PTPRM: variants seen among roughly 807,000 people sequenced by gnomAD.
PTPRM encodes protein tyrosine phosphatase receptor type M.
In PTPRM, 47 loss-of-function variants were observed where a neutral mutation model predicts 186.7. That is an observed-to-expected ratio of 0.25 (90% CI 0.20 to 0.32). The LOEUF (loss-of-function observed/expected upper bound fraction) is 0.32. Among genes scored for constraint, PTPRM ranks in the 10% least tolerant of loss-of-function variants. PTPRM has a pLI of 1.00. For synonymous variants in PTPRM, 668 were observed against 674.9 expected (o/e 0.99, Z 0.16); for missense variants, 1,494 against 1,865.0 (o/e 0.80, Z 3.66).
At chr18:7,703,044 T>C (rs2040000021) in intron 1 of PTPRM, among the ~76,000 whole-genome samples, 1 of 152,194 alleles carries the variant, frequency 6.6e-6, no homozygotes, top group South Asian at 2.1e-4. Context: ...TATATATCTG[T>C]TTTGGTACCA....
chr18:8,145,541 C>T (rs1215062076), intron 14 of PTPRM, among the ~76,000 whole-genome samples: 2 of 152,150 alleles, frequency 1.3e-5, no homozygotes, highest in South Asian at 2.1e-4. Flanking sequence ...TGTCATTGTT[C>T]AACTCCCACA....
chr18:7,866,769 C>A (rs1389950814), intron 2 of PTPRM, among the ~76,000 whole-genome samples: 2 of 152,244 alleles, frequency 1.3e-5, no homozygotes, highest in Non-Finnish European at 2.9e-5. Flanking sequence ...GTTGATCTGT[C>A]TAATATTGAC....
intron 14 of PTPRM, among the ~76,000 whole-genome samples, chr18:8,181,042 T>C (rs2093565999): frequency 1.3e-5 from 2 of 152,160 alleles, no homozygotes; most frequent in Admixed American, 6.6e-5. Context: ...TAAGTTCAGT[T>C]GCAGTTGGTT....
At chr18:8,014,496 A>C (rs143501087) in intron 7 of PTPRM, among the ~76,000 whole-genome samples, 271 of 152,304 alleles carry the variant, frequency 1.8e-3, no homozygotes, top group Non-Finnish European at 3.2e-3. Flanking sequence ...TGAAGGAAAA[A>C]AGTGCAAGTG....
At chr18:8,244,250 G>GT (rs775739250) in intron 15 of PTPRM, 41 bp downstream of exon 15, 1 of 1,418,778 alleles carries the variant, frequency 7.0e-7, no homozygotes, top group Admixed American at 2.8e-5. Context: ...CATCTCCTTG[G>GT]TTTTGCAAGA....
At chr18:8,139,839 C>G (rs1213371163) in intron 13 of PTPRM, among the ~76,000 whole-genome samples, 1 of 152,146 alleles carries the variant, frequency 6.6e-6, no homozygotes, top group Non-Finnish European at 1.5e-5. Flanking sequence ...TGGCCAGACA[C>G]TGCCTACAAT....
chr18:7,715,882 T>G (rs1252024471), intron 1 of PTPRM, among the ~76,000 whole-genome samples: 1 of 152,194 alleles, frequency 6.6e-6, no homozygotes, highest in African/African-American at 2.4e-5. Flanking sequence ...TGGAAAAACA[T>G]TCCATGTTCA....
intron 13 of PTPRM, among the ~76,000 whole-genome samples, chr18:8,117,666 C>T (rs892224190): frequency 6.6e-6 from 1 of 151,962 alleles, no homozygotes; most frequent in African/African-American, 2.4e-5. Flanking sequence ...TTTTATGCAT[C>T]CTCTTCGTTT....
chr18:7,891,745 C>T (rs753919185), intron 3 of PTPRM, among the ~76,000 whole-genome samples: 11 of 152,034 alleles, frequency 7.2e-5, no homozygotes, highest in South Asian at 6.2e-4. Context: ...CATGGTGGTG[C>T]GTGCCCGTAG....
intron 23 of PTPRM, among the ~76,000 whole-genome samples, chr18:8,359,289 C>A (rs72906448): frequency 0.19 from 28,386 of 152,224 alleles, 2,755 homozygotes; most frequent in South Asian, 0.33. Flanking sequence ...CTGCTCTGAG[C>A]ACGCTCTCCT....
chr18:8,344,841 T>C (rs1387652806), intron 23 of PTPRM, among the ~76,000 whole-genome samples: 1 of 151,892 alleles, frequency 6.6e-6, no homozygotes, highest in East Asian at 1.9e-4. Context: ...ATTTAGATGT[T>C]GACTGCCACA....
chr18:8,009,022 G>A (rs1384764108), intron 7 of PTPRM, among the ~76,000 whole-genome samples: 5 of 152,270 alleles, frequency 3.3e-5, no homozygotes, highest in Admixed American at 2.6e-4. Flanking sequence ...TGTAGTTATC[G>A]GTGGCCACAG....
chr18:7,815,883 A>C (rs912422288), intron 2 of PTPRM, among the ~76,000 whole-genome samples: 1 of 152,224 alleles, frequency 6.6e-6, no homozygotes, highest in Non-Finnish European at 1.5e-5. Flanking sequence ...TGGAACTCCT[A>C]AACATAAGGA....
At chr18:8,134,476 C>T (rs1339937458) in intron 13 of PTPRM, among the ~76,000 whole-genome samples, 4 of 152,144 alleles carry the variant, frequency 2.6e-5, no homozygotes, top group Non-Finnish European at 2.9e-5. Flanking sequence ...TATCCTTCTT[C>T]GTAGTCCTTC....
chr18:8,011,065 T>G (rs1402162042), intron 7 of PTPRM, among the ~76,000 whole-genome samples: 4 of 152,192 alleles, frequency 2.6e-5, no homozygotes, highest in African/African-American at 9.7e-5. Context: ...GAGGAAAGTA[T>G]TTTGATTTAA....
intron 32 of PTPRM, among the ~76,000 whole-genome samples, chr18:8,395,218 T>G (rs542248697): frequency 6.6e-6 from 1 of 152,040 alleles, no homozygotes; most frequent in East Asian, 1.9e-4. Context: ...ATTAGGTTTT[T>G]GCACTTCTCT....
At chr18:7,846,627 A>G (rs1017289437) in intron 2 of PTPRM, among the ~76,000 whole-genome samples, 4 of 152,204 alleles carry the variant, frequency 2.6e-5, no homozygotes, top group East Asian at 1.9e-4. Flanking sequence ...GGGTTCCCCA[A>G]TGAATTGGAG....
chr18:7,758,686 C>T (rs2041623247), intron 1 of PTPRM, among the ~76,000 whole-genome samples: 1 of 152,196 alleles, frequency 6.6e-6, no homozygotes, highest in East Asian at 1.9e-4. Context: ...GTCTTTATTA[C>T]TAATTATCAG....
At chr18:7,592,235 A>T (rs184988563) in intron 1 of PTPRM, among the ~76,000 whole-genome samples, 7 of 152,356 alleles carry the variant, frequency 4.6e-5, no homozygotes, top group Admixed American at 3.9e-4. Context: ...ATAGAAAAAT[A>T]AAGACACGAA....
Sources: allele counts gnomAD v4.1 joint callset (sites outside exome capture counted in the v4.1 genomes callset), GRCh38; gene constraint gnomAD v4.1.1; transcripts MANE v1.5; gene names NCBI Gene and HGNC (gene_info 2026-07-23, HGNC 2026-07-21).